Variants in AFG2A observed in about 807,000 individuals in gnomAD.
AFG2A encodes the protein AAA ATPase AFG2A.
At chr4:123,304,338 A>T in the AFG2A span, among the ~76,000 whole-genome samples, 3 of 152,176 alleles carry the variant, frequency 2.0e-5, no homozygotes, top group Non-Finnish European at 4.4e-5. Flanking sequence ...ATAATCTCCC[A>T]GGTAGCCTCC....
the AFG2A span, among the ~76,000 whole-genome samples, chr4:123,085,478 A>G: frequency 6.6e-6 from 1 of 152,134 alleles, no homozygotes; most frequent in African/African-American, 2.4e-5. Flanking sequence ...AGAATTTTGC[A>G]TGCTTGAAGT....
At chr4:122,952,304 T>C in the AFG2A span, among the ~76,000 whole-genome samples, 1 of 152,126 alleles carries the variant, frequency 6.6e-6, no homozygotes, top group Non-Finnish European at 1.5e-5. Context: ...AGGCTGTCTC[T>C]GCACCTGAAC....
the AFG2A span, among the ~76,000 whole-genome samples, chr4:123,075,439 C>T: frequency 9.2e-5 from 14 of 151,896 alleles, no homozygotes; most frequent in Non-Finnish European, 8.8e-5. Context: ...GCTGGGATTA[C>T]AGGCGCCTGC....
chr4:122,960,475 T>C, the AFG2A span, among the ~76,000 whole-genome samples: 1 of 152,174 alleles, frequency 6.6e-6, no homozygotes, highest in African/African-American at 2.4e-5. Flanking sequence ...TATAAATAGA[T>C]CTTGATTTCT....
At chr4:123,221,212 G>A in the AFG2A span, among the ~76,000 whole-genome samples, 21 of 152,288 alleles carry the variant, frequency 1.4e-4, no homozygotes, top group East Asian at 3.9e-3. Flanking sequence ...CTGGGGTGCG[G>A]TGGCACAATC....
the AFG2A span, among the ~76,000 whole-genome samples, chr4:123,043,438 A>G: frequency 6.6e-6 from 1 of 151,746 alleles, no homozygotes; most frequent in Non-Finnish European, 1.5e-5. Flanking sequence ...TTTTTTCCTG[A>G]CTTTTCAATT....
chr4:123,170,834 T>C, the AFG2A span, among the ~76,000 whole-genome samples: 8 of 152,302 alleles, frequency 5.3e-5, no homozygotes, highest in African/African-American at 1.9e-4. Context: ...TGTTGGACTT[T>C]TTCTCACTTT....
chr4:122,991,928 A>G, the AFG2A span, among the ~76,000 whole-genome samples: 8 of 152,104 alleles, frequency 5.3e-5, no homozygotes, highest in Admixed American at 1.3e-4. Context: ...TTTTATCTGC[A>G]ATATTTATCT....
At chr4:123,309,848 G>C in the AFG2A span, among the ~76,000 whole-genome samples, 1 of 152,198 alleles carries the variant, frequency 6.6e-6, no homozygotes, top group Non-Finnish European at 1.5e-5. Flanking sequence ...TACTCAACCT[G>C]TATAGTGTTG....
At chr4:123,132,113 T>G in the AFG2A span, among the ~76,000 whole-genome samples, 6 of 152,276 alleles carry the variant, frequency 3.9e-5, no homozygotes, top group Admixed American at 1.3e-4. Flanking sequence ...CCAGATTTAT[T>G]GAAGTATGAT....
At chr4:123,095,043 AT>A in the AFG2A span, among the ~76,000 whole-genome samples, 3,345 of 107,452 alleles carry the variant, frequency 0.031, 144 homozygotes, top group African/African-American at 0.1. Context: ...AAAAAAAAAA[AT>A]ATATATATAT....
At chr4:123,199,674 G>A in the AFG2A span, among the ~76,000 whole-genome samples, 2 of 152,032 alleles carry the variant, frequency 1.3e-5, no homozygotes, top group African/African-American at 2.4e-5. Flanking sequence ...GTTTCGCCAT[G>A]TTGGCCAGGC....
At chr4:123,096,626 C>T in the AFG2A span, among the ~76,000 whole-genome samples, 3 of 152,016 alleles carry the variant, frequency 2.0e-5, no homozygotes, top group African/African-American at 7.2e-5. Flanking sequence ...CGGATACCTA[C>T]TATATAACAA....
the AFG2A span, among the ~76,000 whole-genome samples, chr4:123,131,912 C>CTAAT: frequency 3.8e-5 from 2 of 52,068 alleles, no homozygotes. Flanking sequence ...TTTTCCACAG[C>CTAAT]AGCTGCACCA....
chr4:123,145,060 G>A, the AFG2A span, among the ~76,000 whole-genome samples: 17 of 152,036 alleles, frequency 1.1e-4, no homozygotes, highest in East Asian at 1.7e-3. Flanking sequence ...TGTTTATCCC[G>A]AAATTGGAAG....
chr4:123,157,453 TA>T, the AFG2A span, among the ~76,000 whole-genome samples: 1 of 152,256 alleles, frequency 6.6e-6, no homozygotes, highest in African/African-American at 2.4e-5. Context: ...CATTGGTTTC[TA>T]TGTGAATCAT....
the AFG2A span, among the ~76,000 whole-genome samples, chr4:123,148,795 G>A: frequency 2.1e-5 from 3 of 144,060 alleles, no homozygotes; most frequent in African/African-American, 7.8e-5. Flanking sequence ...TTGAGACAGA[G>A]TCTCGCTCTG....
the AFG2A span, chr4:123,057,133 T>C: frequency 2.7e-6 from 4 of 1,478,582 alleles, no homozygotes; most frequent in Non-Finnish European, 3.8e-6. Context: ...GTTCTAAATA[T>C]AGTTTTAAAA....
chr4:123,165,891 C>T, the AFG2A span, among the ~76,000 whole-genome samples: 1 of 152,126 alleles, frequency 6.6e-6, no homozygotes, highest in Non-Finnish European at 1.5e-5. Flanking sequence ...AAGCTGTGAA[C>T]TTTGGCAATG....
Sources: allele counts gnomAD v4.1 joint callset (sites outside exome capture counted in the v4.1 genomes callset), GRCh38; gene constraint gnomAD v4.1.1; transcripts MANE v1.5; gene names NCBI Gene and HGNC (gene_info 2026-07-23, HGNC 2026-07-21).